The following SLC17A2 variants were observed in gnomAD, a reference collection of about 807,000 sequenced individuals.
The protein encoded by SLC17A2 is solute carrier family 17 member 2.
SLC17A2 carries 38 observed loss-of-function variants against 52.1 expected under a neutral mutation model. The observed-to-expected ratio is 0.73, with a 90% confidence interval of 0.56 to 0.96. The LOEUF (loss-of-function observed/expected upper bound fraction) is 0.96. Among genes scored for constraint, SLC17A2 ranks in the 40% least tolerant of loss-of-function variants. The pLI is 0.00. For missense variants in SLC17A2, 508 were observed against 583.9 expected, an observed-to-expected ratio of 0.87 and a Z score of 1.34; for synonymous variants, 226 against 211.9, an observed-to-expected ratio of 1.07 and a Z score of -0.58.
chr6:25,913,171 A>C lies in SLC17A2; in HGVS notation c.*146T>G. 1.3e-6 allele frequency: 1 copy of C among 786,014 alleles called. No homozygotes were observed. The highest frequency in any genetic ancestry group is 2.1e-6 in the Non-Finnish European group (1 of 473,730). 48.7% of individuals were successfully genotyped at this position (786,014 alleles called of 1,614,324 possible). On this transcript the variant is annotated 3_prime_UTR_variant, in exon 12 of 12. Transcript: ENST00000377850. Reference sequence around the variant, plus strand: ...ATCTCTGGAGTGGGTCCCAAGTATCAGTGTCTTATAAAGGCTCCCCAGGGA... The same window carrying C: ...ATCTCTGGAGTGGGTCCCAAGTATCCGTGTCTTATAAAGGCTCCCCAGGGA...
At chr6:25,922,791 T>G (rs898859322) in intron 3 of SLC17A2, among the ~76,000 whole-genome samples, 6 of 152,198 alleles carry the variant, frequency 3.9e-5, no homozygotes, top group Non-Finnish European at 8.8e-5. Flanking sequence ...AAAGATTTTA[T>G]TTAACTCATT....
chr6:25,919,737 A>G (rs1249399119), intron 5 of SLC17A2, among the ~76,000 whole-genome samples: 2 of 147,524 alleles, frequency 1.4e-5, no homozygotes, highest in Admixed American at 1.4e-4. Flanking sequence ...AGGTTTAGGA[A>G]GTTTTTACAT....
rs1766168904 is a variant in SLC17A2 at position 25,913,282 on chromosome 6, C to T, written c.*35G>A. ...GTAAAAAATGTTTAAAAAGTTCATGCTCAGTACCACATTTAAGTTTGTAAC... is the reference window on the plus strand; with the variant it reads ...GTAAAAAATGTTTAAAAAGTTCATGTTCAGTACCACATTTAAGTTTGTAAC... On this transcript the variant is annotated 3_prime_UTR_variant, in exon 12 of 12. Coordinates refer to ENST00000377850, the MANE Select transcript of SLC17A2 (RefSeq NM_001286123.3). The T allele has an allele frequency of 6.2e-7, 1 of 1,612,368 alleles. No homozygotes were observed. The highest frequency in any genetic ancestry group is 1.3e-5 in the African/African-American group (1 of 74,890).
chr6:25,920,931 C>G (rs1766527852), intron 5 of SLC17A2, 75 bp downstream of exon 5: 1 of 1,374,860 alleles, frequency 7.3e-7, no homozygotes, highest in Non-Finnish European at 1.0e-6. Flanking sequence ...TTCCCCAAAC[C>G]ATTTGATTCA....
rs778189739 is a variant in SLC17A2 at position 25,921,268 on chromosome 6, A to G, written c.385T>C (p.Ser129Pro). 6.2e-7 allele frequency: 1 copy of G among 1,614,196 alleles called. No individual in the cohort carries two copies. The highest frequency in any genetic ancestry group is 1.1e-5 in the South Asian group (1 of 91,080). Reference protein sequence around the residue: ...KKMLGAGLLISSLLTLFTPLA... With the variant: ...KKMLGAGLLIPSLLTLFTPLA... ...GGTGTAAAGAGGGTGAGAAGGGAAG[A>G]GATCAGCAAACCAGCACCAAGCATT... is the stretch of plus-strand genomic sequence containing the variant. Residue 129 changes from serine to proline, a missense_variant, in exon 4 of 12, where the codon TCT becomes CCT. Transcript: ENST00000377850.
intron 10 of SLC17A2, 84 bp from the exon 11 acceptor site, chr6:25,914,754 C>G (rs1766238847): frequency 1.3e-6 from 1 of 795,326 alleles, no homozygotes; most frequent in South Asian, 1.6e-5. Context: ...TGCAATTCAG[C>G]TCTAATGGCA....
In SLC17A2 at chr6:25,923,820, T is replaced by C; in HGVS notation, c.115A>G (p.Ser39Gly). 4 of 1,614,206 alleles carry C rather than the reference T, an allele frequency of 2.5e-6. No homozygotes were observed. The highest frequency in any genetic ancestry group is 3.4e-6 in the Non-Finnish European group (4 of 1,180,034). Residue 39 changes from serine to glycine, a missense_variant, in exon 3 of 12, where the codon AGC becomes GGC. Coordinates refer to ENST00000377850, the MANE Select transcript of SLC17A2 (RefSeq NM_001286123.3). ...FTMITQRVSL[S>G]IAIIAMVNTT... ...TTCACCATGGCGATGATCGCAATGCTCAGACTCACACGCTGCGTTATCATG... is the reference window on the plus strand; with the variant it reads ...TTCACCATGGCGATGATCGCAATGCCCAGACTCACACGCTGCGTTATCATG...
chr6:25,914,221 G>T (rs1766213264), intron 11 of SLC17A2, among the ~76,000 whole-genome samples: 1 of 152,082 alleles, frequency 6.6e-6, no homozygotes, highest in South Asian at 2.1e-4. Flanking sequence ...GGATTAGTCT[G>T]AACATATTCT....
chr6:25,917,852 A>G (rs1766389234), intron 6 of SLC17A2, among the ~76,000 whole-genome samples: 1 of 152,252 alleles, frequency 6.6e-6, no homozygotes, highest in South Asian at 2.1e-4. Flanking sequence ...AGGCACCATG[A>G]TGACACCCAA....
chr6:25,913,555 T>C (rs770894292), intron 11 of SLC17A2, 104 bp from the exon 12 acceptor site: 178 of 1,131,944 alleles, frequency 1.6e-4, no homozygotes, highest in East Asian at 2.3e-4. Flanking sequence ...ACAAGGAATA[T>C]AAGGAACAAT....
Position 25,913,423 on chromosome 6 carries a change from A to G in SLC17A2, c.1331T>C (p.Phe444Ser). 6.2e-7 allele frequency: 1 copy of G among 1,614,096 alleles called. No homozygotes were observed. Among genetic ancestry groups the G allele is most frequent in the Non-Finnish European group, 8.5e-7 (1 of 1,179,970 alleles). The stretch of plus-strand genomic sequence containing the variant: ...CATGTTGACTGCAGCAGACAGGAAA[A>G]AGACATTCCTCCAACCAGACTCAAA... The part of the protein sequence containing the change: ...QDFESGWRNV[F>S]FLSAAVNMFG... Residue 444 changes from phenylalanine (F) to serine (S), a missense_variant, in exon 12 of 12, where the codon TTT becomes TCT. Phe to Ser is a radical substitution (Grantham distance 155). Coordinates refer to ENST00000377850, the MANE Select transcript of SLC17A2 (RefSeq NM_001286123.3).
At chr6:25,929,172 T>C (rs1766865781) in intron 1 of SLC17A2, among the ~76,000 whole-genome samples, 1 of 152,148 alleles carries the variant, frequency 6.6e-6, no homozygotes, top group Non-Finnish European at 1.5e-5. Context: ...TCAAAGAGCA[T>C]GAACCTGCAG....
At chr6:25,921,466 C>A in intron 3 of SLC17A2, 54 bp from the exon 4 acceptor site, 1 of 1,321,134 alleles carries the variant, frequency 7.6e-7, no homozygotes, top group Non-Finnish European at 1.1e-6. Flanking sequence ...TGAAAATCTA[C>A]TTTACAGTCA....
chr6:25,917,735 T>C (rs1169025932), intron 6 of SLC17A2, among the ~76,000 whole-genome samples: 3 of 152,246 alleles, frequency 2.0e-5, no homozygotes, highest in Non-Finnish European at 4.4e-5. Flanking sequence ...TTATTGGAAT[T>C]CCTTATTTGA....
intron 6 of SLC17A2, among the ~76,000 whole-genome samples, chr6:25,918,082 G>A (rs77301920): frequency 1.3e-5 from 2 of 152,196 alleles, no homozygotes; most frequent in Admixed American, 6.5e-5. Context: ...CAGGTGAAAG[G>A]CATCTTGGAC....
intron 5 of SLC17A2, among the ~76,000 whole-genome samples, chr6:25,919,203 T>C (rs13195279): frequency 1.3e-5 from 2 of 152,126 alleles, no homozygotes; most frequent in African/African-American, 4.8e-5. Context: ...TGAATCGATA[T>C]TTAACTTTAC....
At chr6:25,923,068 T>C (rs1385083211) in intron 3 of SLC17A2, among the ~76,000 whole-genome samples, 1 of 151,964 alleles carries the variant, frequency 6.6e-6, no homozygotes, top group Non-Finnish European at 1.5e-5. Flanking sequence ...GCCCCCTTAC[T>C]CCCAGCTACT....
Position 25,912,870 on chromosome 6 carries a change from C to T in SLC17A2, c.*447G>A, listed in dbSNP as rs6932113. On this transcript the variant is annotated 3_prime_UTR_variant, in exon 12 of 12. Transcript: ENST00000377850. The stretch of plus-strand genomic sequence containing the variant: ...TCTGGGGATTATAGCTTTACAGTTC[C>T]GATCGGTGCTGAGATCTGTAACATA... 0.35 allele frequency: 53,728 copies of T among 153,500 alleles called. 10,563 individuals carry two copies. Among genetic ancestry groups the T allele is most frequent in the East Asian group, 0.7 (3,641 of 5,224 alleles). The allele number at this position is 153,500 out of a possible 1,614,324, so 9.5% of individuals were successfully genotyped here.
chr6:25,913,204 C>CA lies in SLC17A2; in HGVS notation c.*112dup. The CA allele has an allele frequency of 8.6e-7, 1 of 1,160,510 alleles. No homozygotes were observed. The allele number at this position is 1,160,510 out of a possible 1,614,324, so 71.9% of individuals were successfully genotyped here. On this transcript the variant is annotated 3_prime_UTR_variant, in exon 12 of 12. Transcript: ENST00000377850. ...ATAAAGGCTCCCCAGGGAAGACTAA[C>CA]ACACAGCCAGAGTTAAGAACTGCTG...
Sources: allele counts gnomAD v4.1 joint callset (sites outside exome capture counted in the v4.1 genomes callset), GRCh38; gene constraint gnomAD v4.1.1; transcripts MANE v1.5; gene names NCBI Gene and HGNC (gene_info 2026-07-23, HGNC 2026-07-21).